Variants in HDX observed in about 807,000 individuals in gnomAD.
The protein encoded by HDX is chromosome X open reading frame 43.
Under a neutral mutation model 45.2 loss-of-function variants are expected in HDX, and 19 were observed. The observed-to-expected ratio is 0.42, with a 90% CI of 0.29 to 0.62. HDX has a LOEUF of 0.62. Ranked by LOEUF, HDX falls within the 20% of genes least tolerant of loss-of-function variation. HDX has a pLI of 0.20. For synonymous variants in HDX, 188 were observed against 172.8 expected, an observed-to-expected ratio of 1.09 and a Z score of -0.69; for missense variants, 532 against 493.9, an observed-to-expected ratio of 1.08 and a Z score of -0.73.
At chrX:84,446,315 A>G (rs745844767) in intron 4 of HDX, among the ~76,000 whole-genome samples, 1 of 112,108 alleles carries the variant, frequency 8.9e-6, no homozygotes, top group Non-Finnish European at 1.9e-5. Flanking sequence ...TAAATTGTCA[A>G]TGTTAGCTTT....
chrX:84,373,813 G>A (rs1165186984), intron 5 of HDX, among the ~76,000 whole-genome samples: 3 of 111,345 alleles, frequency 2.7e-5, no homozygotes, highest in Non-Finnish European at 5.7e-5. Context: ...TACTGATTGT[G>A]CAAAAACTGG....
Position 84,469,200 on chromosome X carries a change from T to C in HDX, c.523A>G (p.Ile175Val). Residue 175 changes from isoleucine to valine, a missense_variant, in exon 4 of 11, where the codon ATT becomes GTT. Physicochemically the swap from Ile to Val is conservative, Grantham distance 29. Transcript: ENST00000373177. ...ASLLLGEKTI[I>V]LSRQTSVLNA... ...AGCACACTTGTCTGTCTTGACAAAATAATTGTTTTTTCACCTAGGAGTAGG... is the reference window on the plus strand; with the variant it reads ...AGCACACTTGTCTGTCTTGACAAAACAATTGTTTTTTCACCTAGGAGTAGG... 8.3e-7 allele frequency: 1 copy of C among 1,211,189 alleles called. No individual in the cohort carries two copies. The highest frequency in any genetic ancestry group is 3.0e-5 in the East Asian group (1 of 33,849).
At chrX:84,336,309 T>C (rs2036959414) in intron 8 of HDX, among the ~76,000 whole-genome samples, 1 of 111,096 alleles carries the variant, frequency 9.0e-6, no homozygotes, top group African/African-American at 3.3e-5. Context: ...TTAAGATGAG[T>C]AACCAGAGTA....
At chrX:84,450,675 C>A (rs1421866397) in intron 4 of HDX, among the ~76,000 whole-genome samples, 2 of 111,991 alleles carry the variant, frequency 1.8e-5, no homozygotes, top group East Asian at 2.8e-4. Flanking sequence ...GTATTTAAAC[C>A]ATAAATTACA....
chrX:84,349,599 A>ATGTG (rs199767366), intron 6 of HDX, among the ~76,000 whole-genome samples: 1 of 80,283 alleles, frequency 1.2e-5, no homozygotes, highest in East Asian at 3.8e-4. Context: ...CTATATGTTT[A>ATGTG]TGTGTGTGTG....
At chrX:84,347,368 T>C (rs2037231267) in intron 6 of HDX, among the ~76,000 whole-genome samples, 2 of 110,817 alleles carry the variant, frequency 1.8e-5, no homozygotes, top group Admixed American at 9.6e-5. Flanking sequence ...CCAGCTTTTG[T>C]CTAGTTTCTT....
chrX:84,420,572 A>G, intron 5 of HDX, among the ~76,000 whole-genome samples: 1 of 112,275 alleles, frequency 8.9e-6, no homozygotes, highest in East Asian at 2.8e-4. Context: ...GTGCAAATTT[A>G]TTCAATGGGA....
chrX:84,370,776 C>G (rs1252383423), intron 5 of HDX, among the ~76,000 whole-genome samples: 1 of 112,083 alleles, frequency 8.9e-6, no homozygotes, highest in Non-Finnish European at 1.9e-5. Context: ...TGGAACAAGA[C>G]CCCCTATTAT....
intron 5 of HDX, among the ~76,000 whole-genome samples, chrX:84,373,987 C>G (rs2147882595): frequency 9.2e-6 from 1 of 108,196 alleles, no homozygotes; most frequent in Non-Finnish European, 1.9e-5. Flanking sequence ...TTGCAGACGA[C>G]ATGATTGTAT....
chrX:84,421,916 A>G (rs1251420735), intron 5 of HDX, among the ~76,000 whole-genome samples: 3 of 110,978 alleles, frequency 2.7e-5, no homozygotes, highest in Admixed American at 9.6e-5. Flanking sequence ...TAAAGCAAAT[A>G]TTACAGCTAA....
intron 4 of HDX, among the ~76,000 whole-genome samples, chrX:84,453,967 C>T (rs1408611417): frequency 8.9e-6 from 1 of 111,893 alleles, no homozygotes; most frequent in African/African-American, 3.3e-5. Context: ...TATAGACACA[C>T]TCTGGGCCAA....
At chrX:84,364,776 C>T (rs2037708036) in intron 5 of HDX, among the ~76,000 whole-genome samples, 1 of 110,552 alleles carries the variant, frequency 9.0e-6, no homozygotes, top group African/African-American at 3.3e-5. Context: ...CTCCCACTAG[C>T]TCCTAGAAAC....
At chrX:84,392,748 T>C (rs1222923111) in intron 5 of HDX, among the ~76,000 whole-genome samples, 1 of 110,585 alleles carries the variant, frequency 9.0e-6, no homozygotes, top group African/African-American at 3.3e-5. Context: ...CTACTGACTT[T>C]CGTATCCTGA....
chrX:84,456,796 A>G (rs999019381), intron 4 of HDX, among the ~76,000 whole-genome samples: 1 of 112,126 alleles, frequency 8.9e-6, no homozygotes, highest in African/African-American at 3.2e-5. Context: ...TCATTATATA[A>G]TGAAAAGGGG....
chrX:84,357,004 G>T (rs766271072), intron 6 of HDX, among the ~76,000 whole-genome samples: 2 of 111,525 alleles, frequency 1.8e-5, no homozygotes, highest in South Asian at 7.6e-4. Flanking sequence ...CAGTATGGCT[G>T]TCTCAAGGAG....
intron 5 of HDX, among the ~76,000 whole-genome samples, chrX:84,414,821 C>T (rs753958101): frequency 8.9e-6 from 1 of 111,924 alleles, no homozygotes; most frequent in Admixed American, 9.5e-5. Flanking sequence ...CCTGCCCTAC[C>T]TAACTCTCCA....
chrX:84,399,843 A>G (rs1602383447), intron 5 of HDX, among the ~76,000 whole-genome samples: 1 of 111,913 alleles, frequency 8.9e-6, no homozygotes, highest in East Asian at 2.8e-4. Context: ...ATCCAGCAGC[A>G]CATCAAAAAG....
In HDX at chrX:84,487,788, T is replaced by C. The variant is rs961776111; in HGVS notation, c.-1+236A>G. On this transcript the variant is annotated intron_variant, in intron 2 of 10. Coordinates refer to ENST00000373177, the MANE Select transcript of HDX (RefSeq NM_001177479.2). The stretch of plus-strand genomic sequence containing the variant: ...GAAATATAGGGTTTCCCTTAGAGTT[T>C]ATTTTAGTTGTTCTATTGTCACTGC... Among the ~76,000 whole-genome samples the C allele has an allele frequency of 2.7e-5, 3 of 112,355 alleles. No individual in the cohort carries two copies. In the East Asian group the frequency reaches 8.4e-4, roughly 31 times the overall value.
rs995890696 is a variant in HDX at position 84,356,087 on chromosome X, T to TA, written c.1452+5378dup. On this transcript the variant is annotated intron_variant, in intron 6 of 10. Coordinates refer to ENST00000373177, the MANE Select transcript of HDX (RefSeq NM_001177479.2). Reference sequence around the variant, plus strand: ...TATACTTCTTAGAAGTACAAGACATTAAAAAAAAATCTGAAACTTTCAAAT... The same window carrying TA: ...TATACTTCTTAGAAGTACAAGACATTAAAAAAAAAATCTGAAACTTTCAAAT... 4.5e-3 allele frequency among the ~76,000 whole-genome samples: 494 copies of TA among 109,556 alleles called. 1 individual carries two copies. Among genetic ancestry groups the TA allele is most frequent in the African/African-American group, 0.016 (478 of 30,247 alleles).
Sources: gnomAD v4.1 joint callset for allele counts (sites outside exome capture counted in the v4.1 genomes callset) on GRCh38, gnomAD v4.1.1 for gene constraint, MANE v1.5 for transcripts, NCBI Gene and HGNC (gene_info 2026-07-23, HGNC 2026-07-21) for gene names.